Variants in ZGRF1 observed in about 807,000 individuals in gnomAD.
ZGRF1 encodes 5'-3' DNA helicase ZGRF1.
Under a neutral mutation model 203.5 loss-of-function variants are expected in ZGRF1, and 196 were observed. That is an observed-to-expected ratio of 0.96 (90% CI 0.86 to 1.08). ZGRF1 has a LOEUF of 1.08. Ranked by LOEUF, ZGRF1 falls within the 50% of genes least tolerant of loss-of-function variation. The pLI, the probability that ZGRF1 is intolerant of heterozygous loss-of-function variation, is 0.00. For missense variants in ZGRF1, 2,326 were observed against 2,416.3 expected, an observed-to-expected ratio of 0.96 and a Z score of 0.78; for synonymous variants, 809 against 841.3, an observed-to-expected ratio of 0.96 and a Z score of 0.66.
At chr4:112,603,449 A>G (rs1240599471) in intron 10 of ZGRF1, 75 bp downstream of exon 10, 1 of 1,035,258 alleles carries the variant, frequency 9.7e-7, no homozygotes, top group Non-Finnish European at 1.4e-6. Context: ...ATAAACAACT[A>G]TACTATTTTC....
chr4:112,634,475 C>T (rs1218322162), intron 1 of ZGRF1, among the ~76,000 whole-genome samples: 2 of 151,734 alleles, frequency 1.3e-5, no homozygotes, highest in East Asian at 3.9e-4. Flanking sequence ...CATGGTGAAA[C>T]CCCTGTCTCT....
Position 112,620,169 on chromosome 4 carries a change from C to G in ZGRF1, c.184G>C (p.Glu62Gln), listed in dbSNP as rs748970111. The G allele has an allele frequency of 6.2e-7, 1 of 1,601,104 alleles. No homozygotes were observed. Among genetic ancestry groups the G allele is most frequent in the Non-Finnish European group, 8.5e-7 (1 of 1,176,138 alleles). The part of the protein sequence containing the change: ...CLEVKPGDDL[E>Q]SDRYLITVEE... Reference sequence around the variant, plus strand: ...ACTGTGATTAAGTATCGATCACTTTCTAAGTCATCTCCAGGTTTCACCTGA... The same window carrying G: ...ACTGTGATTAAGTATCGATCACTTTGTAAGTCATCTCCAGGTTTCACCTGA... Residue 62 changes from glutamate (E) to glutamine (Q), a missense_variant, in exon 5 of 28, where the codon GAA becomes CAA. Coordinates refer to ENST00000505019, the MANE Select transcript of ZGRF1 (RefSeq NM_018392.5).
In ZGRF1 at chr4:112,617,475, G is replaced by A. The variant is rs547143156; in HGVS notation, c.2567C>T (p.Thr856Ile). The A allele has an allele frequency of 1.2e-5, 19 of 1,584,062 alleles. No individual in the cohort carries two copies. The Admixed American group carries it at 2.1e-4, about 17-fold the overall frequency. Residue 856 changes from threonine to isoleucine, a missense_variant, in exon 6 of 28, where the codon ACT becomes ATT. By Grantham distance (89) the Thr-to-Ile change is moderately conservative. Coordinates refer to ENST00000505019, the MANE Select transcript of ZGRF1 (RefSeq NM_018392.5). Reference sequence around the variant, plus strand: ...GCTATCTGGCTCATACGTCTGTTGAGTTCCTTGCTGAAAGACAGTATTTTT... The same window carrying A: ...GCTATCTGGCTCATACGTCTGTTGAATTCCTTGCTGAAAGACAGTATTTTT... ...KKKNTVFQQG[T>I]QQTYEPDSPP...
intron 4 of ZGRF1, among the ~76,000 whole-genome samples, chr4:112,621,731 A>T (rs1180809639): frequency 6.7e-6 from 1 of 148,890 alleles, no homozygotes; most frequent in Admixed American, 6.7e-5. Context: ...TAATGAAATG[A>T]TTTTTTTTTC....
chr4:112,610,981 G>A, intron 7 of ZGRF1: 1 of 273,190 alleles, frequency 3.7e-6, no homozygotes, highest in Non-Finnish European at 7.1e-6. Context: ...TAAATATTCT[G>A]AGAGGCAGGG....
Position 112,581,743 on chromosome 4 carries a change from T to G in ZGRF1, c.4358A>C (p.Asn1453Thr), listed in dbSNP as rs1746298655. ...TTTTGGTTCATTATAAAACTCAGGATTTACAGTAGTAAACTTCTTTAGTTT... is the reference window on the plus strand; with the variant it reads ...TTTTGGTTCATTATAAAACTCAGGAGTTACAGTAGTAAACTTCTTTAGTTT... ...YGKLKKFTTV[N>T]PEFYNEPKTK... The change falls in exon 16 of 28, where the codon AAT becomes ACT. Residue 1453 changes from asparagine (N) to threonine (T), a missense_variant. Physicochemically the swap from Asn to Thr is moderately conservative, Grantham distance 65 (BLOSUM62 0). Coordinates refer to ENST00000505019, the MANE Select transcript of ZGRF1 (RefSeq NM_018392.5). 1 of 1,559,236 alleles carries G rather than the reference T, an allele frequency of 6.4e-7. No homozygotes were observed. Among genetic ancestry groups the G allele is most frequent in the Non-Finnish European group, 8.7e-7 (1 of 1,151,996 alleles).
At chr4:112,546,431 A>G (rs1033891977) in intron 24 of ZGRF1, among the ~76,000 whole-genome samples, 4 of 152,230 alleles carry the variant, frequency 2.6e-5, no homozygotes, top group African/African-American at 7.2e-5. Flanking sequence ...TAAAGAAAAA[A>G]AAGTTTTTTT....
Position 112,589,756 on chromosome 4 carries a change from A to G in ZGRF1, c.3095T>C (p.Leu1032Ser), listed in dbSNP as rs763815763. 2 of 1,613,842 alleles carry G rather than the reference A, an allele frequency of 1.2e-6. No individual in the cohort carries two copies. The highest frequency in any genetic ancestry group is 1.7e-6 in the Non-Finnish European group (2 of 1,179,862). ...FSETSLKARTLPDDLHFLNLE... is the reference protein window; with the variant it reads ...FSETSLKARTSPDDLHFLNLE... ...GTTGAGAAAATGAAGATCATCAGGT[A>G]AAGTTCTTGCTTTCAGGGACGTCTC... Residue 1032 changes from leucine (L) to serine (S), a missense_variant, in exon 11 of 28, where the codon TTA becomes TCA. By Grantham distance (145) the Leu-to-Ser change is moderately radical. Transcript: ENST00000505019.
chr4:112,629,906 C>A, intron 3 of ZGRF1: 1 of 288,012 alleles, frequency 3.5e-6, no homozygotes. Flanking sequence ...GTAATCCCAG[C>A]TACTCAGGAG....
intron 19 of ZGRF1, among the ~76,000 whole-genome samples, chr4:112,560,215 T>C (rs1390928427): frequency 6.6e-6 from 1 of 152,144 alleles, no homozygotes; most frequent in African/African-American, 2.4e-5. Flanking sequence ...GTAAATCGCC[T>C]TCACTGTGAC....
chr4:112,545,056 G>A (rs1373603610), intron 24 of ZGRF1, among the ~76,000 whole-genome samples: 1 of 151,900 alleles, frequency 6.6e-6, no homozygotes, highest in Non-Finnish European at 1.5e-5. Context: ...AAATATTGGG[G>A]AAAATTTTCA....
intron 3 of ZGRF1, among the ~76,000 whole-genome samples, chr4:112,630,784 G>C (rs1020265694): frequency 6.6e-6 from 1 of 151,950 alleles, no homozygotes; most frequent in Non-Finnish European, 1.5e-5. Context: ...CAGCTACTTG[G>C]GGGGCTGAGG....
At chr4:112,634,184 C>T (rs1439633425) in intron 1 of ZGRF1, among the ~76,000 whole-genome samples, 1 of 152,138 alleles carries the variant, frequency 6.6e-6, no homozygotes, top group Non-Finnish European at 1.5e-5. Context: ...GAAACTCTAT[C>T]CTCCATCTGA....
rs1463643331 is a variant in ZGRF1, at chr4:112,598,401, T to C, written c.2976+5123A>G. Reference sequence around the variant, plus strand: ...TTATAAAGGGAAGAAAATGTAATCATAGTATACCAATTGGCTCAGCAGTGA... The same window carrying C: ...TTATAAAGGGAAGAAAATGTAATCACAGTATACCAATTGGCTCAGCAGTGA... On this transcript the variant is annotated intron_variant, in intron 10 of 27. Coordinates refer to ENST00000505019, the MANE Select transcript of ZGRF1 (RefSeq NM_018392.5). Among the ~76,000 whole-genome samples the C allele has an allele frequency of 3.9e-5, 6 of 152,250 alleles. No individual in the cohort carries two copies. In the East Asian group the frequency reaches 9.6e-4, roughly 24 times the overall value.
chr4:112,571,340 C>T (rs547288632), intron 16 of ZGRF1, among the ~76,000 whole-genome samples: 1 of 152,076 alleles, frequency 6.6e-6, no homozygotes, highest in Non-Finnish European at 1.5e-5. Flanking sequence ...CAAGTCAGTT[C>T]TTCGAAAACA....
rs2047475092 is a variant in ZGRF1, at chr4:112,633,351, T to C, written c.-66-109A>G. ...AGACATGAATCAAGGAGTTCCAAGA[T>C]TACCTAACTACCAAGGGAAACAGAG... On this transcript the variant is annotated intron_variant, in intron 1 of 27. Transcript: ENST00000505019. 2.2e-5 allele frequency: 13 copies of C among 593,534 alleles called. No individual in the cohort carries two copies. The South Asian group carries it at 2.7e-4, about 12-fold the overall frequency. 36.8% of individuals were successfully genotyped at this position (593,534 alleles called of 1,614,324 possible).
At chr4:112,555,326 C>G (rs1740740348) in intron 20 of ZGRF1, among the ~76,000 whole-genome samples, 2 of 152,184 alleles carry the variant, frequency 1.3e-5, no homozygotes. Flanking sequence ...CTCACCTACA[C>G]TTCCCTTTTA....
chr4:112,596,340 C>T lies in ZGRF1; in HGVS notation c.2977-6466G>A, dbSNP rs182531579. Reference sequence around the variant, plus strand: ...AAGTAAACTGATTTGCCCCAATAACCATGGAAGGGCTCAGAAACTGAAGGC... The same window carrying T: ...AAGTAAACTGATTTGCCCCAATAACTATGGAAGGGCTCAGAAACTGAAGGC... On this transcript the variant is annotated intron_variant, in intron 10 of 27. Transcript: ENST00000505019. 2.5e-3 allele frequency among the ~76,000 whole-genome samples: 385 copies of T among 152,242 alleles called. 1 individual carries two copies. Among genetic ancestry groups the T allele is most frequent in the Non-Finnish European group, 4.0e-3 (270 of 68,014 alleles).
rs532402217 is a variant in ZGRF1, at chr4:112,586,347, T to A, written c.3916+98A>T. 19 of 846,746 alleles carry A rather than the reference T, an allele frequency of 2.2e-5. No homozygotes were observed. The South Asian group carries it at 5.9e-4, about 26-fold the overall frequency. The allele number at this position is 846,746 out of a possible 1,614,324, so 52.5% of individuals were successfully genotyped here. On this transcript the variant is annotated intron_variant, in intron 13 of 27. Coordinates refer to ENST00000505019, the MANE Select transcript of ZGRF1 (RefSeq NM_018392.5). The stretch of plus-strand genomic sequence containing the variant: ...CTAGAACATATGAAAAATAAGGTAT[T>A]TAGTATGAAAATTCACAATATAATG...
Sources: gnomAD v4.1 joint callset for allele counts (sites outside exome capture counted in the v4.1 genomes callset) on GRCh38, gnomAD v4.1.1 for gene constraint, MANE v1.5 for transcripts, NCBI Gene and HGNC (gene_info 2026-07-23, HGNC 2026-07-21) for gene names.